The following ATF7IP variants were observed in gnomAD, a reference collection of about 807,000 sequenced individuals.
ATF7IP encodes the protein activating transcription factor 7 interacting protein.
Under a neutral mutation model 106.4 loss-of-function variants are expected in ATF7IP, and 23 were observed. The ratio of observed to expected loss-of-function variants is 0.22; its 90% CI spans 0.16 to 0.31. The LOEUF (loss-of-function observed/expected upper bound fraction) is 0.31. Among genes scored for constraint, ATF7IP ranks in the 10% least tolerant of loss-of-function variants. ATF7IP has a pLI of 1.00. For missense variants in ATF7IP, 1,334 were observed against 1,524.3 expected (o/e 0.88, Z 2.08); for synonymous variants, 542 against 539.0 (o/e 1.01, Z -0.08).
chr12:14,402,666 T>C (rs12372725), intron 1 of ATF7IP, among the ~76,000 whole-genome samples: 1 of 150,852 alleles, frequency 6.6e-6, no homozygotes, highest in Admixed American at 6.6e-5. Flanking sequence ...TGAAGTGAAG[T>C]GGTGCGGTGT....
At chr12:14,484,622 A>T (rs146922506) in intron 13 of ATF7IP, among the ~76,000 whole-genome samples, 335 of 152,262 alleles carry the variant, frequency 2.2e-3, no homozygotes, top group Non-Finnish European at 4.1e-3. Context: ...TATGGTGCAG[A>T]ACCATCTGTG....
In ATF7IP at chr12:14,456,585, C is replaced by G; in HGVS notation, c.2020C>G (p.Pro674Ala). The G allele has an allele frequency of 6.2e-7, 1 of 1,611,892 alleles. No individual in the cohort carries two copies. Among genetic ancestry groups the G allele is most frequent in the South Asian group, 1.1e-5 (1 of 91,022 alleles). Reference protein sequence around the residue: ...HEHPPNPPVSPGKTVNDVNSN... With the variant: ...HEHPPNPPVSAGKTVNDVNSN... ...GCATCCACCCAACCCACCAGTATCA[C>G]CAGGAAAAACTGTAAATGATGTCAA... Residue 674 changes from proline to alanine, a missense_variant, in exon 7 of 15, where the codon CCA becomes GCA. Pro to Ala is a conservative substitution (Grantham distance 27). Transcript: ENST00000261168.
intron 13 of ATF7IP, among the ~76,000 whole-genome samples, chr12:14,494,306 T>C (rs1173267649): frequency 2.3e-5 from 2 of 87,576 alleles, no homozygotes; most frequent in African/African-American, 1.1e-4. Flanking sequence ...TATATATATA[T>C]ATATATATAT....
At chr12:14,494,331 A>ATGTGTGTG (rs1207326378) in intron 13 of ATF7IP, among the ~76,000 whole-genome samples, 36 of 90,570 alleles carry the variant, frequency 4.0e-4, no homozygotes, top group African/African-American at 1.3e-3. Flanking sequence ...ATATATATAT[A>ATGTGTGTG]TATGTGTGTG....
intron 1 of ATF7IP, among the ~76,000 whole-genome samples, chr12:14,407,337 T>A (rs771033469): frequency 1.3e-5 from 2 of 152,164 alleles, no homozygotes; most frequent in African/African-American, 4.8e-5. Context: ...CAACTGTAAT[T>A]TAAATTCTTG....
intron 1 of ATF7IP, chr12:14,369,350 T>G (rs1279832364): frequency 6.6e-6 from 1 of 152,184 alleles, no homozygotes; most frequent in African/African-American, 2.4e-5. Flanking sequence ...ATATTGTATT[T>G]TATTTTATTA....
rs1452563325 is a variant in ATF7IP, at chr12:14,502,004, CTG to C, written c.*3934_*3935del. On this transcript the variant is annotated 3_prime_UTR_variant, in exon 15 of 15. Coordinates refer to ENST00000261168, the MANE Select transcript of ATF7IP (RefSeq NM_018179.5). Reference sequence around the variant, plus strand: ...TATCCTCATCTCTCACTTTTTTACTCTGTGATTTTAGCACAGTAAGGTACTGC... The same window carrying C: ...TATCCTCATCTCTCACTTTTTTACTCTGATTTTAGCACAGTAAGGTACTGC... The C allele has an allele frequency of 2.0e-5, 3 of 152,184 alleles. No homozygotes were observed. Among genetic ancestry groups the C allele is most frequent in the East Asian group, 3.8e-4 (2 of 5,202 alleles). The allele number at this position is 152,184 out of a possible 1,614,324, so 9.4% of individuals were successfully genotyped here.
At chr12:14,471,611 T>C (rs1276206429) in intron 10 of ATF7IP, among the ~76,000 whole-genome samples, 3 of 152,126 alleles carry the variant, frequency 2.0e-5, no homozygotes, top group Non-Finnish European at 4.4e-5. Flanking sequence ...CTCAGGAAAC[T>C]TATAGTCATG....
chr12:14,472,709 C>T (rs1230706222), intron 10 of ATF7IP, among the ~76,000 whole-genome samples: 1 of 152,174 alleles, frequency 6.6e-6, no homozygotes, highest in African/African-American at 2.4e-5. Context: ...TGGGAGATCT[C>T]ATTCACTCCT....
chr12:14,450,265 C>T (rs943977465), intron 6 of ATF7IP, among the ~76,000 whole-genome samples: 6 of 152,140 alleles, frequency 3.9e-5, no homozygotes, highest in Admixed American at 6.5e-5. Flanking sequence ...GGAAAGCTTT[C>T]GGTTTTTCAC....
intron 13 of ATF7IP, among the ~76,000 whole-genome samples, chr12:14,485,329 G>A (rs1466808640): frequency 1.7e-4 from 26 of 151,632 alleles, no homozygotes; most frequent in Admixed American, 1.7e-3. Flanking sequence ...CTCTTTCTTG[G>A]TTGTAGGAAG....
chr12:14,483,572 G>A (rs1353455978), intron 13 of ATF7IP, among the ~76,000 whole-genome samples: 2 of 152,156 alleles, frequency 1.3e-5, no homozygotes, highest in African/African-American at 4.8e-5. Context: ...CGCAGGAACA[G>A]GAAGCAAAAA....
chr12:14,471,346 G>GTGGT (rs1404027490), intron 10 of ATF7IP, among the ~76,000 whole-genome samples: 1 of 152,108 alleles, frequency 6.6e-6, no homozygotes, highest in Non-Finnish European at 1.5e-5. Context: ...TTTTGCTGTA[G>GTGGT]TGGTTTTATC....
At chr12:14,370,090 A>G in intron 1 of ATF7IP, among the ~76,000 whole-genome samples, 1 of 152,080 alleles carries the variant, frequency 6.6e-6, no homozygotes, top group Non-Finnish European at 1.5e-5. Context: ...GGAATGTGCC[A>G]CTATGCCCGG....
intron 1 of ATF7IP, chr12:14,385,029 T>C (rs969087888): frequency 1.5e-5 from 3 of 205,860 alleles, no homozygotes; most frequent in Non-Finnish European, 9.7e-6. Flanking sequence ...TTCAAGTTGT[T>C]TGGGATCTGG....
At chr12:14,453,388 C>T (rs1188629108) in intron 6 of ATF7IP, among the ~76,000 whole-genome samples, 1 of 151,938 alleles carries the variant, frequency 6.6e-6, no homozygotes, top group Non-Finnish European at 1.5e-5. Context: ...CTTTTTGCTC[C>T]TCTGGCTTGA....
intron 2 of ATF7IP, among the ~76,000 whole-genome samples, chr12:14,427,250 G>A (rs1368288895): frequency 6.6e-6 from 1 of 151,726 alleles, no homozygotes; most frequent in Non-Finnish European, 1.5e-5. Context: ...AGCCCCCAGA[G>A]TACCTGGGAA....
chr12:14,385,732 A>G (rs1939201759), intron 1 of ATF7IP, among the ~76,000 whole-genome samples: 2 of 152,224 alleles, frequency 1.3e-5, no homozygotes, highest in Admixed American at 1.3e-4. Flanking sequence ...AATTAAAACA[A>G]TATATTATCT....
intron 1 of ATF7IP, among the ~76,000 whole-genome samples, chr12:14,387,469 A>T (rs1340666083): frequency 1.3e-5 from 2 of 152,176 alleles, no homozygotes; most frequent in African/African-American, 2.4e-5. Flanking sequence ...TGTTGAAATT[A>T]TTGAGCAGTT....
Sources: allele counts gnomAD v4.1 joint callset (sites outside exome capture counted in the v4.1 genomes callset), GRCh38; gene constraint gnomAD v4.1.1; transcripts MANE v1.5; gene names NCBI Gene and HGNC (gene_info 2026-07-23, HGNC 2026-07-21).